The following TMEM242 variants were observed in gnomAD, a reference collection of about 807,000 sequenced individuals.
The protein encoded by TMEM242 is transmembrane protein 242, also known as UPF0463 transmembrane protein C6orf35.
A neutral mutation model predicts 18.2 loss-of-function variants in TMEM242; 10 were observed. The ratio of observed to expected loss-of-function variants is 0.55; its 90% CI spans 0.34 to 0.93. TMEM242 has a LOEUF of 0.93. Among genes scored for constraint, TMEM242 ranks in the 40% least tolerant of loss-of-function variants. The pLI is 0.02. For missense variants in TMEM242, 186 were observed against 175.5 expected (o/e 1.06, Z -0.34); for synonymous variants, 57 against 69.9 (o/e 0.81, Z 0.92).
intron 3 of TMEM242, among the ~76,000 whole-genome samples, chr6:157,312,212 C>T (rs1405784535): frequency 1.3e-5 from 2 of 149,706 alleles, no homozygotes; most frequent in Non-Finnish European, 3.0e-5. Context: ...ACTGAGCTAG[C>T]GTCATCATAG....
intron 3 of TMEM242, among the ~76,000 whole-genome samples, chr6:157,307,194 A>C (rs1554247995): frequency 6.6e-6 from 1 of 152,222 alleles, no homozygotes; most frequent in Non-Finnish European, 1.5e-5. Context: ...ATGTGTGCCC[A>C]ATTTTCTAGG....
At chr6:157,312,236 A>G (rs1293212952) in intron 3 of TMEM242, among the ~76,000 whole-genome samples, 5 of 121,336 alleles carry the variant, frequency 4.1e-5, no homozygotes, top group Admixed American at 8.5e-5. Flanking sequence ...CCCAGTGTAC[A>G]CTCATCTAGC....
rs1554246900 is a variant in TMEM242, at chr6:157,292,679, CT to C, written c.*221del. 5.2e-6 allele frequency: 2 copies of C among 381,174 alleles called. No individual in the cohort carries two copies. The highest frequency in any genetic ancestry group is 4.1e-5 in the African/African-American group (2 of 48,494). The allele number at this position is 381,174 out of a possible 1,614,324, so 23.6% of individuals were successfully genotyped here. A position where few individuals can be genotyped will look rare whatever the true frequency, so the allele number is the denominator to read the frequency against. The stretch of plus-strand genomic sequence containing the variant: ...CATAAGGAAGTTATTCCTGTAATTA[CT>C]ATTTTTAAATAGTCTTCTTAACTGT... On this transcript the variant is annotated 3_prime_UTR_variant, in exon 4 of 4. Transcript: ENST00000400788.
intron 3 of TMEM242, among the ~76,000 whole-genome samples, chr6:157,314,998 C>G (rs782045456): frequency 6.6e-6 from 1 of 152,138 alleles, no homozygotes; most frequent in Non-Finnish European, 1.5e-5. Context: ...TAGCTACTTA[C>G]AATTATTTAA....
At chr6:157,312,374 CCTGCCCTCATCATAGTA>C (rs1778178743) in intron 3 of TMEM242, among the ~76,000 whole-genome samples, 1 of 137,878 alleles carries the variant, frequency 7.3e-6, no homozygotes, top group Non-Finnish European at 1.6e-5. Context: ...TGTGCACTCA[CCTGCCCTCATCATAGTA>C]CCGCAGTATC....
At chr6:157,316,685 G>A (rs137931128) in intron 3 of TMEM242, among the ~76,000 whole-genome samples, 28 of 152,000 alleles carry the variant, frequency 1.8e-4, no homozygotes, top group African/African-American at 6.5e-4. Context: ...AACCAGCCTG[G>A]GCAACATAAT....
rs1249852223 is a variant in TMEM242 at position 157,300,948 on chromosome 6, C to G, written c.328-7949G>C. Among the ~76,000 whole-genome samples, 3 of 152,142 alleles carry G rather than the reference C, an allele frequency of 2.0e-5. No individual in the cohort carries two copies. In the East Asian group the frequency reaches 5.8e-4, roughly 29 times the overall value. On this transcript the variant is annotated intron_variant, in intron 3 of 3. Transcript: ENST00000400788. Reference sequence around the variant, plus strand: ...TGACCAAAGTAGTGAAATAAATGATCTAGTACAACGTGGCATCAGTATGCC... The same window carrying G: ...TGACCAAAGTAGTGAAATAAATGATGTAGTACAACGTGGCATCAGTATGCC...
rs139762478 is a variant in TMEM242, at chr6:157,307,479, C to T, written c.327+11303G>A. Among the ~76,000 whole-genome samples, 459 of 152,168 alleles carry T rather than the reference C, an allele frequency of 3.0e-3. 1 individual carries two copies. Among genetic ancestry groups the T allele is most frequent in the African/African-American group, 0.01 (434 of 41,514 alleles). The stretch of plus-strand genomic sequence containing the variant: ...GGAAATATGCCAAAACAGCGGATTC[C>T]CCTGCTTGACTTTTTAAAAAAGTAC... On this transcript the variant is annotated intron_variant, in intron 3 of 3. Transcript: ENST00000400788.
chr6:157,309,592 T>C (rs1554248152), intron 3 of TMEM242, among the ~76,000 whole-genome samples: 1 of 152,140 alleles, frequency 6.6e-6, no homozygotes, highest in South Asian at 2.1e-4. Flanking sequence ...GGTCTCGCTA[T>C]GTTGCCTAGG....
At chr6:157,316,675 A>G (rs1362451429) in intron 3 of TMEM242, among the ~76,000 whole-genome samples, 1 of 152,064 alleles carries the variant, frequency 6.6e-6, no homozygotes, top group East Asian at 1.9e-4. Context: ...AGGAGTTCGC[A>G]ACCAGCCTGG....
rs1778186112 is a variant in TMEM242 at position 157,312,431 on chromosome 6, GTGTGCACTCACCGAGCCTC to G, written c.327+6332_327+6350del. Among the ~76,000 whole-genome samples, 506 of 87,436 alleles carry G rather than the reference GTGTGCACTCACCGAGCCTC, an allele frequency of 5.8e-3. 7 individuals are homozygous for G. Among genetic ancestry groups the G allele is most frequent in the East Asian group, 0.012 (34 of 2,918 alleles). The allele number at this position is 87,436 out of a possible 152,430, so 57.4% of individuals were successfully genotyped here. ...CACCTAGCCTCATCATAGTGTCACA[GTGTGCACTCACCGAGCCTC>G]ATAGTGCCCCAGCGTGCACTCACCT... On this transcript the variant is annotated intron_variant, in intron 3 of 3. Transcript: ENST00000400788.
intron 3 of TMEM242, among the ~76,000 whole-genome samples, chr6:157,298,132 A>G (rs3923168): frequency 0.2 from 30,674 of 152,262 alleles, 4,096 homozygotes; most frequent in East Asian, 0.56. Flanking sequence ...AATAAACTGA[A>G]GAGCGGAATA....
chr6:157,311,371 AGTGTTCCAGTGTGCG>A (rs1778080251), intron 3 of TMEM242, among the ~76,000 whole-genome samples: 1 of 118,814 alleles, frequency 8.4e-6, no homozygotes, highest in African/African-American at 3.1e-5. Flanking sequence ...GCCTCATCAT[AGTGTTCCAGTGTGCG>A]CTCACCTAGC....
At chr6:157,313,790 TGCGCTCACGTGGCCTCATCAGAGCGC>T (rs1778304920) in intron 3 of TMEM242, among the ~76,000 whole-genome samples, 1 of 147,286 alleles carries the variant, frequency 6.8e-6, no homozygotes, top group African/African-American at 2.6e-5. Flanking sequence ...TGTCCCAGTG[TGCGCTCACGTGGCCTCATCAGAGCGC>T]CCCAGTGTGC....
In TMEM242 at chr6:157,305,240, C is replaced by T. The variant is rs942275121; in HGVS notation, c.328-12241G>A. ...GATGAAGGAGGCAGGCGGTGTTCAGCGGCAGAGCTGACAAGCAGGACTTGC... is the reference window on the plus strand; with the variant it reads ...GATGAAGGAGGCAGGCGGTGTTCAGTGGCAGAGCTGACAAGCAGGACTTGC... On this transcript the variant is annotated intron_variant, in intron 3 of 3. Transcript: ENST00000400788. This position sits in a 1 kb window ranked among gnomAD's most constrained non-coding sequence, Gnocchi z 4.1. Among the ~76,000 whole-genome samples the T allele has an allele frequency of 6.6e-6, 1 of 152,040 alleles. No individual in the cohort carries two copies. The highest frequency in any genetic ancestry group is 1.9e-4 in the East Asian group (1 of 5,192).
At chr6:157,308,191 CA>C (rs1206402742) in intron 3 of TMEM242, among the ~76,000 whole-genome samples, 1 of 152,174 alleles carries the variant, frequency 6.6e-6, no homozygotes, top group African/African-American at 2.4e-5. Context: ...GGGGTTCTAG[CA>C]GTCACTCTAC....
chr6:157,321,099 C>A (rs587707838), intron 2 of TMEM242, among the ~76,000 whole-genome samples: 1 of 151,000 alleles, frequency 6.6e-6, no homozygotes, highest in South Asian at 2.1e-4. Context: ...AGCTCCGCCT[C>A]CCGGGTTCAC....
At chr6:157,320,474 TTATTTA>T (rs1554250645) in intron 2 of TMEM242, among the ~76,000 whole-genome samples, 1 of 152,176 alleles carries the variant, frequency 6.6e-6, no homozygotes, top group African/African-American at 2.4e-5. Context: ...AGTCTTTTAT[TTATTTA>T]TATTTTTTGA....
At chr6:157,310,535 T>C (rs587611402) in intron 3 of TMEM242, among the ~76,000 whole-genome samples, 32 of 2,924 alleles carry the variant, frequency 0.011, no homozygotes, top group South Asian at 0.059. Context: ...CATCATGGTA[T>C]CCCAGTGTGC....
Sources: allele counts gnomAD v4.1 joint callset (sites outside exome capture counted in the v4.1 genomes callset), GRCh38; gene constraint gnomAD v4.1.1; non-coding constraint Gnocchi (gnomAD v3.1); transcripts MANE v1.5; gene names NCBI Gene and HGNC (gene_info 2026-07-23, HGNC 2026-07-21).